Variants in NAV3 observed in about 807,000 individuals in gnomAD.
The protein encoded by NAV3 is neuron navigator 3.
A neutral mutation model predicts 244.7 loss-of-function variants in NAV3; 87 were observed. That is an observed-to-expected ratio of 0.36 (90% CI 0.30 to 0.42). NAV3 has a LOEUF of 0.42. NAV3 is among the 20% of genes least tolerant of loss of function. The pLI is 1.00. For synonymous variants in NAV3, 1,126 were observed against 1,042.2 expected (o/e 1.08, Z -1.55); for missense variants, 2,663 against 2,893.3 (o/e 0.92, Z 1.83).
At chr12:77,730,856 TC>T (rs1877095263) in intron 2 of NAV3, among the ~76,000 whole-genome samples, 1 of 151,416 alleles carries the variant, frequency 6.6e-6, no homozygotes, top group Non-Finnish European at 1.5e-5. Context: ...TTAACAGCTT[TC>T]ACAAGTAAAG....
At chr12:77,775,015 A>T (rs1213980107) in intron 2 of NAV3, among the ~76,000 whole-genome samples, 4 of 152,188 alleles carry the variant, frequency 2.6e-5, no homozygotes, top group Admixed American at 2.6e-4. Context: ...GCTGACTTGT[A>T]TTAAGGATAA....
chr12:77,998,662 T>G (rs577144695), intron 7 of NAV3, among the ~76,000 whole-genome samples, 186 bp downstream of exon 7: 1 of 152,294 alleles, frequency 6.6e-6, no homozygotes, highest in Admixed American at 6.5e-5. Context: ...TTTAAACAAA[T>G]AAACTCATTC....
At chr12:78,149,422 C>T (rs1056192230) in intron 22 of NAV3, among the ~76,000 whole-genome samples, 18 of 152,086 alleles carry the variant, frequency 1.2e-4, no homozygotes, top group African/African-American at 4.3e-4. Context: ...TGGCAGCCTT[C>T]TCATAGCAAT....
At chr12:78,199,114 T>A in intron 36 of NAV3, 1 of 624,374 alleles carries the variant, frequency 1.6e-6, no homozygotes. Flanking sequence ...GCACATGAGC[T>A]TCTTTTTAGC....
intron 2 of NAV3, among the ~76,000 whole-genome samples, chr12:77,822,278 G>T (rs1039614771): frequency 6.6e-6 from 1 of 152,104 alleles, no homozygotes; most frequent in African/African-American, 2.4e-5. Flanking sequence ...TGGACATTGT[G>T]TGCATTCTTT....
intron 1 of NAV3, among the ~76,000 whole-genome samples, chr12:77,841,930 T>C (rs1592752901): frequency 6.6e-6 from 1 of 152,292 alleles, no homozygotes; most frequent in East Asian, 1.9e-4. Context: ...GAGATGATAA[T>C]ACCTAATTTC....
intron 1 of NAV3, among the ~76,000 whole-genome samples, chr12:77,855,065 T>G (rs1281825152): frequency 6.6e-6 from 1 of 152,116 alleles, no homozygotes; most frequent in African/African-American, 2.4e-5. Context: ...AGGCGGAGCT[T>G]GCAGTGAGCT....
intron 12 of NAV3, among the ~76,000 whole-genome samples, chr12:78,072,251 G>T (rs1175013537): frequency 2.7e-5 from 4 of 149,428 alleles, no homozygotes; most frequent in African/African-American, 9.9e-5. Flanking sequence ...CCAGGAGCTG[G>T]TTTTTTGAAA....
chr12:78,036,917 G>A, intron 9 of NAV3: 1 of 702,950 alleles, frequency 1.4e-6, no homozygotes, highest in Non-Finnish European at 2.6e-6. Flanking sequence ...TAAGGAGAAA[G>A]GGAGCTTGCC....
chr12:78,200,157 G>A (rs533439185), intron 37 of NAV3, among the ~76,000 whole-genome samples: 3 of 152,112 alleles, frequency 2.0e-5, no homozygotes, highest in Non-Finnish European at 4.4e-5. Context: ...AAATAATGAC[G>A]TGTTTTATAT....
intron 12 of NAV3, among the ~76,000 whole-genome samples, chr12:78,089,912 C>G (rs1566115613): frequency 2.0e-5 from 3 of 152,142 alleles, no homozygotes; most frequent in African/African-American, 2.4e-5. Flanking sequence ...AGCTTTTGCT[C>G]TCCCTTCAGA....
intron 2 of NAV3, among the ~76,000 whole-genome samples, chr12:77,659,430 GA>G (rs1873314638): frequency 6.6e-6 from 1 of 152,174 alleles, no homozygotes; most frequent in Non-Finnish European, 1.5e-5. Flanking sequence ...ACACCAGTTA[GA>G]ATGGTGATCA....
rs758592180 is a variant in NAV3 at position 78,006,749 on chromosome 12, G to A, written c.1211G>A (p.Ser404Asn). The A allele has an allele frequency of 6.2e-7, 1 of 1,614,152 alleles. No individual in the cohort carries two copies. Among genetic ancestry groups the A allele is most frequent in the Non-Finnish European group, 8.5e-7 (1 of 1,180,032 alleles). Residue 404 changes from serine to asparagine, a missense_variant, in exon 8 of 40, where the codon AGT becomes AAT. By Grantham distance (46) the Ser-to-Asn change is conservative (BLOSUM62 1). Transcript: ENST00000397909. ...GCTTTACGCCCCCCGCAGCCTCCCA[G>A]TTCAGGACCTAGTGATGGTGGGAAG... ...RTALRPPQPPSSGPSDGGKDD... is the reference protein window; with the variant it reads ...RTALRPPQPPNSGPSDGGKDD...
chr12:77,940,661 A>G (rs1889782690), intron 2 of NAV3, among the ~76,000 whole-genome samples: 1 of 152,190 alleles, frequency 6.6e-6, no homozygotes, highest in African/African-American at 2.4e-5. Flanking sequence ...AAACTTGCTA[A>G]CCTTTATTGA....
In NAV3 at chr12:78,159,403, C is replaced by T. The variant is rs393293; in HGVS notation, c.4869+117C>T. On this transcript the variant is annotated intron_variant, in intron 23 of 39. Transcript: ENST00000397909. The stretch of plus-strand genomic sequence containing the variant: ...TCCAGGCTGAGTGCAGAGGCTCATG[C>T]CTGTAATCTCACCACTTTGGGAGAC... 5.5e-6 allele frequency: 5 copies of T among 902,880 alleles called. No individual in the cohort carries two copies. The East Asian group carries it at 1.1e-4, about 20-fold the overall frequency. 55.9% of individuals were successfully genotyped at this position (902,880 alleles called of 1,614,324 possible). A position where few individuals can be genotyped will look rare whatever the true frequency, so the allele number is the denominator to read the frequency against.
chr12:77,864,956 C>T (rs1358779351), intron 1 of NAV3, among the ~76,000 whole-genome samples: 3 of 151,958 alleles, frequency 2.0e-5, no homozygotes, highest in Non-Finnish European at 1.5e-5. Context: ...AGTATCTCCA[C>T]AAAGGTACAG....
At chr12:77,787,003 A>G (rs1870934396) in intron 2 of NAV3, among the ~76,000 whole-genome samples, 1 of 152,034 alleles carries the variant, frequency 6.6e-6, no homozygotes, top group South Asian at 2.1e-4. Context: ...TTCGTTGAAA[A>G]GTACTCCCTT....
chr12:77,953,882 T>A (rs1891124200), intron 3 of NAV3, among the ~76,000 whole-genome samples: 1 of 152,198 alleles, frequency 6.6e-6, no homozygotes, highest in African/African-American at 2.4e-5. Context: ...CTGTGGCTTC[T>A]GTAACAAATT....
chr12:77,705,462 G>A (rs1240191769), intron 2 of NAV3, among the ~76,000 whole-genome samples: 1 of 151,332 alleles, frequency 6.6e-6, no homozygotes, highest in Non-Finnish European at 1.5e-5. Flanking sequence ...GGGATTTTAT[G>A]GGCTAAAAAA....
Sources: gnomAD v4.1 joint callset for allele counts (sites outside exome capture counted in the v4.1 genomes callset) on GRCh38, gnomAD v4.1.1 for gene constraint, MANE v1.5 for transcripts, NCBI Gene and HGNC (gene_info 2026-07-23, HGNC 2026-07-21) for gene names.